BAZ2B: variants seen among roughly 807,000 people sequenced by gnomAD.
BAZ2B encodes bromodomain adjacent to zinc finger domain protein 2B.
Under a neutral mutation model 246.0 loss-of-function variants are expected in BAZ2B, and 91 were observed. The observed-to-expected ratio is 0.37, with a 90% CI of 0.31 to 0.44. The LOEUF (loss-of-function observed/expected upper bound fraction) is 0.44, where lower values mean the gene tolerates loss of function less well. Among genes scored for constraint, BAZ2B ranks in the 20% least tolerant of loss-of-function variants. The pLI is 1.00. For synonymous variants in BAZ2B, 855 were observed against 860.0 expected, an observed-to-expected ratio of 0.99 and a Z score of 0.10; for missense variants, 2,332 against 2,533.7, an observed-to-expected ratio of 0.92 and a Z score of 1.71.
At chr2:159,412,577 T>C in intron 13 of BAZ2B, 32 bp from the exon 14 acceptor site, 1 of 1,555,656 alleles carries the variant, frequency 6.4e-7, no homozygotes, top group Non-Finnish European at 8.7e-7. Context: ...AAATAATATA[T>C]TACAAACAAA....
intron 2 of BAZ2B, among the ~76,000 whole-genome samples, chr2:159,547,129 A>C (rs2087469205): frequency 6.6e-6 from 1 of 152,210 alleles, no homozygotes; most frequent in African/African-American, 2.4e-5. Flanking sequence ...CTTGAGGAGA[A>C]AGAAAATCAG....
At chr2:159,545,516 T>C (rs2087208569) in intron 2 of BAZ2B, among the ~76,000 whole-genome samples, 1 of 152,174 alleles carries the variant, frequency 6.6e-6, no homozygotes, top group Admixed American at 6.5e-5. Context: ...ATATATACTA[T>C]CTCTCTGTTT....
chr2:159,412,465 T>C lies in BAZ2B; in HGVS notation c.2547A>G (p.Pro849=). 6.2e-7 allele frequency: 1 copy of C among 1,614,156 alleles called. No individual in the cohort carries two copies. The highest frequency in any genetic ancestry group is 1.6e-4 in the Middle Eastern group (1 of 6,062). ...RAMEGRRGRP[P]NPDRQRAREE... is the part of the protein sequence containing the mutation. ...CTCTTGCTCGTTGTCTATCTGGATT[T>C]GGTGGTCTTCCTCTACGACCTTCCA... The change falls in exon 14 of 37, where the codon CCA becomes CCG. Residue 849 remains proline (P), a synonymous_variant. Transcript: ENST00000392783.
downstream of BAZ2B, among the ~76,000 whole-genome samples, chr2:159,316,090 T>A (rs1289361690): frequency 6.6e-6 from 1 of 152,108 alleles, no homozygotes; most frequent in Non-Finnish European, 1.5e-5. Context: ...GCTAAATAAA[T>A]ACATAAGTAG....
chr2:159,624,093 G>A, the BAZ2B span, among the ~76,000 whole-genome samples: 10 of 152,206 alleles, frequency 6.6e-5, no homozygotes, highest in Non-Finnish European at 1.5e-4. Context: ...TTCGAACCGG[G>A]TGGAGCCCAC....
the BAZ2B span, among the ~76,000 whole-genome samples, chr2:159,656,597 CTT>C: frequency 6.6e-6 from 1 of 152,076 alleles, no homozygotes; most frequent in Non-Finnish European, 1.5e-5. Flanking sequence ...AGTATGTAAC[CTT>C]TTCAGATTGG....
chr2:159,435,296 C>G (rs967257871), intron 8 of BAZ2B: 1 of 151,766 alleles, frequency 6.6e-6, no homozygotes, highest in Non-Finnish European at 1.5e-5. Context: ...AAGCCTGCCT[C>G]AGATTCCTGA....
At chr2:159,669,281 T>A in the BAZ2B span, among the ~76,000 whole-genome samples, 1 of 152,234 alleles carries the variant, frequency 6.6e-6, no homozygotes, top group Non-Finnish European at 1.5e-5. Context: ...CATTGAATTT[T>A]AATTCTGTTG....
At chr2:159,471,782 T>C (rs919121442) in intron 3 of BAZ2B, among the ~76,000 whole-genome samples, 2 of 152,294 alleles carry the variant, frequency 1.3e-5, no homozygotes, top group South Asian at 2.1e-4. Context: ...TTTGCTATTG[T>C]CTGTGAAAGT....
chr2:159,496,486 GAAA>G (rs537958598), intron 2 of BAZ2B, among the ~76,000 whole-genome samples: 4 of 108,572 alleles, frequency 3.7e-5, no homozygotes, highest in South Asian at 3.1e-4. Flanking sequence ...GACTCTGCAG[GAAA>G]AAAAAAAAAA....
chr2:159,462,290 G>A (rs1418970981), intron 3 of BAZ2B: 6 of 695,580 alleles, frequency 8.6e-6, no homozygotes, highest in African/African-American at 3.6e-5. Context: ...AACTTTGAAA[G>A]CTCTAGCAAA....
chr2:159,541,794 G>A (rs2086692407), intron 2 of BAZ2B, among the ~76,000 whole-genome samples: 1 of 151,962 alleles, frequency 6.6e-6, no homozygotes, highest in Non-Finnish European at 1.5e-5. Context: ...TTAAGTTACT[G>A]TCCAGGTTCC....
the BAZ2B span, among the ~76,000 whole-genome samples, chr2:159,656,360 A>T: frequency 6.6e-6 from 1 of 152,132 alleles, no homozygotes; most frequent in African/African-American, 2.4e-5. Context: ...TACAGATTAC[A>T]TTGGGGGTAT....
chr2:159,668,516 G>A, the BAZ2B span, among the ~76,000 whole-genome samples: 1 of 152,014 alleles, frequency 6.6e-6, no homozygotes, highest in Non-Finnish European at 1.5e-5. Flanking sequence ...AGTTTATATT[G>A]TGAATGCATG....
At chr2:159,479,472 A>C (rs12988323) in intron 2 of BAZ2B, among the ~76,000 whole-genome samples, 34 of 152,320 alleles carry the variant, frequency 2.2e-4, no homozygotes, top group Admixed American at 2.0e-3. Context: ...TCAAGCAAGA[A>C]AGTCATTAAA....
At chr2:159,328,965 T>C (rs2064204336) in intron 34 of BAZ2B, among the ~76,000 whole-genome samples, 1 of 151,802 alleles carries the variant, frequency 6.6e-6, no homozygotes, top group African/African-American at 2.4e-5. Flanking sequence ...CCATCTCTAC[T>C]AAAAATATAA....
intron 13 of BAZ2B, among the ~76,000 whole-genome samples, chr2:159,422,642 C>T (rs778856474): frequency 2.0e-5 from 3 of 152,092 alleles, no homozygotes; most frequent in Admixed American, 1.3e-4. Flanking sequence ...TAGGAAATAC[C>T]ATTCTGAACA....
chr2:159,512,360 A>G (rs2083019778), intron 2 of BAZ2B, among the ~76,000 whole-genome samples: 2 of 152,192 alleles, frequency 1.3e-5, no homozygotes, highest in African/African-American at 4.8e-5. Flanking sequence ...AAAAGTAAGT[A>G]TGTTTCAAAG....
chr2:159,343,744 C>G (rs1321057952), intron 31 of BAZ2B, among the ~76,000 whole-genome samples: 1 of 151,910 alleles, frequency 6.6e-6, no homozygotes, highest in Non-Finnish European at 1.5e-5. Context: ...AGAAAAAAAA[C>G]GGCCGGGCGC....
Sources: allele counts gnomAD v4.1 joint callset (sites outside exome capture counted in the v4.1 genomes callset), GRCh38; gene constraint gnomAD v4.1.1; transcripts MANE v1.5; gene names NCBI Gene and HGNC (gene_info 2026-07-23, HGNC 2026-07-21).